The following RPS6KC1 variants were observed in gnomAD, a reference collection of about 807,000 sequenced individuals.
RPS6KC1 encodes ribosomal protein S6 kinase C1, also known as inactive ribosomal protein S6 kinase delta-1.
Under a neutral mutation model 103.8 loss-of-function variants are expected in RPS6KC1, and 54 were observed. The observed-to-expected ratio is 0.52, with a 90% confidence interval of 0.42 to 0.65. The LOEUF is 0.65. RPS6KC1 is among the 30% of genes least tolerant of loss of function. The probability of loss-of-function intolerance (pLI) is 0.00; values close to 1 mark genes in which losing one functional copy is unlikely to be tolerated. For synonymous variants in RPS6KC1, 439 were observed against 438.7 expected (o/e 1.00, Z -0.01); for missense variants, 1,151 against 1,253.8 (o/e 0.92, Z 1.24).
chr1:213,297,903 T>C, the RPS6KC1 span, among the ~76,000 whole-genome samples: 1 of 152,240 alleles, frequency 6.6e-6, no homozygotes, highest in South Asian at 2.1e-4. Flanking sequence ...AGGTGTAAGC[T>C]ACCATGCAGG....
the RPS6KC1 span, among the ~76,000 whole-genome samples, chr1:213,295,364 T>A: frequency 6.6e-6 from 1 of 152,114 alleles, no homozygotes; most frequent in Non-Finnish European, 1.5e-5. Flanking sequence ...GAAGGTAAGG[T>A]AGTTAATGAT....
chr1:213,394,198 G>T, the RPS6KC1 span, among the ~76,000 whole-genome samples: 2 of 152,164 alleles, frequency 1.3e-5, no homozygotes, highest in African/African-American at 4.8e-5. Flanking sequence ...GATTCCTGGA[G>T]CCTGCCTGAA....
chr1:213,223,632 C>G (rs75019336), intron 8 of RPS6KC1, among the ~76,000 whole-genome samples: 4 of 152,202 alleles, frequency 2.6e-5, no homozygotes, highest in South Asian at 2.1e-4. Context: ...TAGGTTGGTT[C>G]GGTATCATTG....
At chr1:213,549,104 G>C in the RPS6KC1 span, among the ~76,000 whole-genome samples, 1 of 152,120 alleles carries the variant, frequency 6.6e-6, no homozygotes, top group Non-Finnish European at 1.5e-5. Flanking sequence ...AAAGTCCCTG[G>C]GCTCAGGAGA....
the RPS6KC1 span, among the ~76,000 whole-genome samples, chr1:213,647,420 A>G: frequency 6.6e-6 from 1 of 152,198 alleles, no homozygotes; most frequent in African/African-American, 2.4e-5. Flanking sequence ...GATTACTATT[A>G]TTCCAGAAAT....
At chr1:213,302,087 T>A in the RPS6KC1 span, among the ~76,000 whole-genome samples, 3 of 152,200 alleles carry the variant, frequency 2.0e-5, no homozygotes, top group African/African-American at 7.2e-5. Flanking sequence ...TCTGTCTCAG[T>A]AAATCTGGGA....
chr1:213,186,841 A>G (rs116546188), intron 8 of RPS6KC1, among the ~76,000 whole-genome samples: 212 of 152,158 alleles, frequency 1.4e-3, no homozygotes, highest in African/African-American at 4.6e-3. Flanking sequence ...TGCTTCATTC[A>G]TCTGCTTTGA....
the RPS6KC1 span, among the ~76,000 whole-genome samples, chr1:213,811,512 T>C: frequency 6.6e-6 from 1 of 152,196 alleles, no homozygotes; most frequent in Admixed American, 6.5e-5. Flanking sequence ...GCAAAGATCT[T>C]AGAAACCATG....
the RPS6KC1 span, among the ~76,000 whole-genome samples, chr1:213,544,924 A>C: frequency 6.6e-6 from 1 of 152,138 alleles, no homozygotes; most frequent in African/African-American, 2.4e-5. Context: ...TCAGCATCAC[A>C]CTTGGTATCT....
the RPS6KC1 span, among the ~76,000 whole-genome samples, chr1:213,325,573 G>T: frequency 6.6e-6 from 1 of 152,212 alleles, no homozygotes; most frequent in Admixed American, 6.5e-5. Flanking sequence ...TGCCCCCGGA[G>T]ATGTTGGTTT....
At chr1:213,422,772 T>C in the RPS6KC1 span, among the ~76,000 whole-genome samples, 1 of 152,230 alleles carries the variant, frequency 6.6e-6, no homozygotes, top group Non-Finnish European at 1.5e-5. Flanking sequence ...TTGCAAGAAC[T>C]GTCCAACACA....
Position 213,100,886 on chromosome 1 carries a change from C to T in RPS6KC1, c.263-3568C>T, listed in dbSNP as rs116071815. Among the ~76,000 whole-genome samples, 414 of 151,966 alleles carry T rather than the reference C, an allele frequency of 2.7e-3. 4 individuals are homozygous for T. The highest frequency in any genetic ancestry group is 9.5e-3 in the African/African-American group (395 of 41,442). On this transcript the variant is annotated intron_variant, in intron 3 of 14. Coordinates refer to ENST00000366960, the MANE Select transcript of RPS6KC1 (RefSeq NM_012424.6). ...GTCTTTACTATCGTGAATAGCACTA[C>T]GATAAACATGAGAGTGTAGGTGTCT...
downstream of RPS6KC1, among the ~76,000 whole-genome samples, chr1:213,278,749 C>T (rs1280425389): frequency 6.6e-6 from 1 of 152,150 alleles, no homozygotes; most frequent in Non-Finnish European, 1.5e-5. Context: ...ATAAGTAGGG[C>T]AGAATGTGGC....
At chr1:213,415,217 A>G in the RPS6KC1 span, among the ~76,000 whole-genome samples, 4 of 152,236 alleles carry the variant, frequency 2.6e-5, no homozygotes, top group African/African-American at 7.2e-5. Context: ...ATACTGTTCC[A>G]GTGAGGTGGA....
the RPS6KC1 span, among the ~76,000 whole-genome samples, chr1:213,422,943 A>G: frequency 1.3e-5 from 2 of 152,218 alleles, no homozygotes; most frequent in Non-Finnish European, 2.9e-5. Flanking sequence ...ATTGGTCTGA[A>G]ATGTTACACT....
intron 2 of RPS6KC1, among the ~76,000 whole-genome samples, chr1:213,074,884 G>A (rs953458549): frequency 8.7e-5 from 9 of 102,890 alleles, no homozygotes; most frequent in Non-Finnish European, 1.4e-4. Context: ...ACGGAGTCTC[G>A]CTCTGTCACC....
At chr1:213,343,961 G>A in the RPS6KC1 span, among the ~76,000 whole-genome samples, 5 of 152,024 alleles carry the variant, frequency 3.3e-5, no homozygotes, top group African/African-American at 1.2e-4. Context: ...TTTGACCCAA[G>A]GTTTCTATAC....
intron 3 of RPS6KC1, among the ~76,000 whole-genome samples, chr1:213,093,859 C>T (rs1014518529): frequency 1.3e-5 from 2 of 152,080 alleles, no homozygotes; most frequent in African/African-American, 4.8e-5. Flanking sequence ...TTTACCATTC[C>T]TCTAACATAC....
At chr1:213,414,054 A>G in the RPS6KC1 span, among the ~76,000 whole-genome samples, 1 of 152,170 alleles carries the variant, frequency 6.6e-6, no homozygotes, top group Non-Finnish European at 1.5e-5. Context: ...GTGAGACCTA[A>G]TGACCATCTC....
Sources: gnomAD v4.1 joint callset for allele counts (sites outside exome capture counted in the v4.1 genomes callset) on GRCh38, gnomAD v4.1.1 for gene constraint, MANE v1.5 for transcripts, NCBI Gene and HGNC (gene_info 2026-07-23, HGNC 2026-07-21) for gene names.